The following ZNF362 variants were observed in gnomAD, a reference collection of about 807,000 sequenced individuals.
ZNF362 encodes rotund homolog.
A neutral mutation model predicts 42.9 loss-of-function variants in ZNF362; 11 were observed. The ratio of observed to expected loss-of-function variants is 0.26; its 90% CI spans 0.16 to 0.42. ZNF362 has a LOEUF of 0.42. ZNF362 is among the 20% of genes least tolerant of loss of function. ZNF362 has a pLI of 1.00. For missense variants in ZNF362, 362 were observed against 576.2 expected, an observed-to-expected ratio of 0.63 and a Z score of 3.81; for synonymous variants, 255 against 257.3, an observed-to-expected ratio of 0.99 and a Z score of 0.09.
chr1:33,282,348 T>G (rs1367239333), intron 6 of ZNF362, among the ~76,000 whole-genome samples: 1 of 152,250 alleles, frequency 6.6e-6, no homozygotes, highest in African/African-American at 2.4e-5. Flanking sequence ...TAACTGGTTT[T>G]TACAGAGCAT....
the ZNF362 span, chr1:33,160,062 G>A: frequency 2.9e-5 from 38 of 1,315,560 alleles, no homozygotes; most frequent in Admixed American, 6.9e-5. Context: ...AAGGGCACGC[G>A]TGGTGGGGGA....
the ZNF362 span, among the ~76,000 whole-genome samples, chr1:33,188,683 C>T: frequency 6.6e-6 from 1 of 152,206 alleles, no homozygotes; most frequent in African/African-American, 2.4e-5. Context: ...CCTAGGTCAG[C>T]CTCGGCCAGA....
At chr1:33,270,461 T>C (rs541775759) in intron 1 of ZNF362, 26 bp from the exon 2 acceptor site, 1 of 651,086 alleles carries the variant, frequency 1.5e-6, no homozygotes, top group Non-Finnish European at 2.8e-6. Context: ...ATTGTTATTA[T>C]TGTTATTGTT....
chr1:33,229,759 A>T, the ZNF362 span, among the ~76,000 whole-genome samples: 1 of 152,186 alleles, frequency 6.6e-6, no homozygotes, highest in African/African-American at 2.4e-5. Context: ...CTTAGCCCCC[A>T]GTCAACAGCT....
At chr1:33,136,201 C>G in the ZNF362 span, among the ~76,000 whole-genome samples, 1 of 144,246 alleles carries the variant, frequency 6.9e-6, no homozygotes, top group Non-Finnish European at 1.5e-5. Context: ...CCTCCATTCT[C>G]CCTTTCTCCC....
chr1:33,291,528 G>A (rs1365264007), intron 6 of ZNF362, among the ~76,000 whole-genome samples: 1 of 152,228 alleles, frequency 6.6e-6, no homozygotes, highest in Non-Finnish European at 1.5e-5. Flanking sequence ...TTTTGGCTTA[G>A]GATTGACTTG....
chr1:33,259,536 T>G (rs947452974), intron 1 of ZNF362, among the ~76,000 whole-genome samples: 4 of 152,214 alleles, frequency 2.6e-5, no homozygotes, highest in Admixed American at 2.6e-4. Context: ...GCTATTTTAT[T>G]CATTCATTTG....
the ZNF362 span, among the ~76,000 whole-genome samples, chr1:33,230,616 A>T: frequency 1.3e-5 from 2 of 152,230 alleles, no homozygotes; most frequent in African/African-American, 4.8e-5. Context: ...AGTTTTCATA[A>T]CCTGATCTGT....
chr1:33,275,218 G>C lies in ZNF362; in HGVS notation c.39-882G>C, dbSNP rs936805719. On this transcript the variant is annotated intron_variant, in intron 2 of 8. Transcript: ENST00000539719. Reference sequence around the variant, plus strand: ...TCACTTCTTGACTTACTCTAGGGTAGCAGGAAGACAAACCTTCTGGAAGAC... The same window carrying C: ...TCACTTCTTGACTTACTCTAGGGTACCAGGAAGACAAACCTTCTGGAAGAC... 4.1e-6 allele frequency: 4 copies of C among 985,270 alleles called. No individual in the cohort carries two copies. In the Admixed American group the frequency reaches 2.5e-4, roughly 61 times the overall value. 61.0% of individuals were successfully genotyped at this position (985,270 alleles called of 1,614,324 possible). A position where few individuals can be genotyped will look rare whatever the true frequency, so the allele number is the denominator to read the frequency against.
At chr1:33,263,803 A>C (rs945072545) in intron 1 of ZNF362, among the ~76,000 whole-genome samples, 2 of 152,332 alleles carry the variant, frequency 1.3e-5, no homozygotes, top group South Asian at 4.1e-4. Context: ...CCCGGAGGTG[A>C]GAAATTCAGG....
At chr1:33,173,554 C>T in the ZNF362 span, among the ~76,000 whole-genome samples, 2 of 152,258 alleles carry the variant, frequency 1.3e-5, no homozygotes, top group East Asian at 1.9e-4. Flanking sequence ...CTAGCCACAA[C>T]GAACCACCTG....
chr1:33,181,225 T>A, the ZNF362 span: 1 of 1,571,088 alleles, frequency 6.4e-7, no homozygotes, highest in Admixed American at 1.8e-5. The surrounding 1 kb of genome is among the most constrained non-coding windows in gnomAD (Gnocchi z 6.5). Flanking sequence ...TCCACGATGT[T>A]GGCCAGCTTG....
the ZNF362 span, chr1:33,196,135 T>A: frequency 6.6e-6 from 1 of 152,146 alleles, no homozygotes; most frequent in Non-Finnish European, 1.5e-5. Flanking sequence ...ATCCCAACAC[T>A]TTGGGAGGCC....
chr1:33,197,464 T>C, the ZNF362 span, among the ~76,000 whole-genome samples: 485 of 152,336 alleles, frequency 3.2e-3, 18 homozygotes, highest in East Asian at 0.083. Context: ...CATTGTAATC[T>C]TTTGGGACCA....
upstream of ZNF362, among the ~76,000 whole-genome samples, chr1:33,253,759 T>C (rs1193212939): frequency 1.3e-5 from 2 of 152,280 alleles, no homozygotes; most frequent in African/African-American, 4.8e-5. Context: ...AACATAACTT[T>C]TTTGAGCGCT....
At chr1:33,207,099 C>G in the ZNF362 span, among the ~76,000 whole-genome samples, 2 of 151,760 alleles carry the variant, frequency 1.3e-5, no homozygotes, top group South Asian at 4.2e-4. Context: ...ATCCCTCCCC[C>G]AGCCCCCCAC....
chr1:33,173,500 G>C, the ZNF362 span, among the ~76,000 whole-genome samples: 1 of 151,976 alleles, frequency 6.6e-6, no homozygotes, highest in Admixed American at 6.6e-5. Flanking sequence ...AGCTGGTCAA[G>C]CCTTGCTTTT....
intron 6 of ZNF362, among the ~76,000 whole-genome samples, chr1:33,289,957 G>A (rs888782801): frequency 5.9e-5 from 9 of 152,190 alleles, no homozygotes; most frequent in African/African-American, 2.2e-4. Flanking sequence ...CTCAGATCAG[G>A]AGTTGGGTTT....
chr1:33,182,220 TC>T, the ZNF362 span, among the ~76,000 whole-genome samples: 1 of 152,098 alleles, frequency 6.6e-6, no homozygotes, highest in Admixed American at 6.5e-5. Flanking sequence ...AGCTGTTCCT[TC>T]GGGGTGTGTA....
Sources: gnomAD v4.1 joint callset for allele counts (sites outside exome capture counted in the v4.1 genomes callset) on GRCh38, gnomAD v4.1.1 for gene constraint, Gnocchi (gnomAD v3.1) non-coding constraint, MANE v1.5 for transcripts, NCBI Gene and HGNC (gene_info 2026-07-23, HGNC 2026-07-21) for gene names.